AURKA: variants seen among roughly 807,000 people sequenced by gnomAD.
The protein encoded by AURKA is aurora kinase A.
AURKA carries 12 observed loss-of-function variants against 40.9 expected under a neutral mutation model. That is an observed-to-expected ratio of 0.29 (90% CI 0.19 to 0.48). AURKA has a LOEUF of 0.48. Ranked by LOEUF, AURKA falls within the 20% of genes least tolerant of loss-of-function variation. AURKA has a pLI of 0.99. For synonymous variants in AURKA, 170 were observed against 164.3 expected (o/e 1.03, Z -0.26); for missense variants, 322 against 462.1 (o/e 0.70, Z 2.78).
intron 1 of AURKA, among the ~76,000 whole-genome samples, chr20:56,389,822 G>A (rs1056979652): frequency 2.0e-5 from 3 of 152,076 alleles, no homozygotes; most frequent in Non-Finnish European, 2.9e-5. Flanking sequence ...GTTCTCTCTC[G>A]CAAACCCTTC....
At chr20:56,389,153 C>T (rs2146215844) in intron 1 of AURKA, among the ~76,000 whole-genome samples, 1 of 152,312 alleles carries the variant, frequency 6.6e-6, no homozygotes, top group East Asian at 1.9e-4. Context: ...TCCCTCCTTG[C>T]TGGGTCAGTC....
rs752948413 is a variant in AURKA at position 56,383,141 on chromosome 20, C to T, written c.410G>A (p.Arg137His). ...ACCAAACTTTCCTTTACCCAGAGGG[C>T]GACCAATTTCAAAGTCTTCCAAAGC... ...QWALEDFEIG[R>H]PLGKGKFGNV... Residue 137 changes from arginine to histidine, a missense_variant, in exon 5 of 9, where the codon CGC (arginine) becomes CAC (histidine). Physicochemically the swap from Arg to His is conservative, Grantham distance 29. Transcript: ENST00000395915. 1.5e-5 allele frequency: 24 copies of T among 1,614,102 alleles called. No individual in the cohort carries two copies. Among genetic ancestry groups the T allele is most frequent in the African/African-American group, 6.7e-5 (5 of 74,934 alleles).
At chr20:56,372,245 T>C (rs1984346846) in intron 7 of AURKA, among the ~76,000 whole-genome samples, 1 of 152,126 alleles carries the variant, frequency 6.6e-6, no homozygotes, top group Admixed American at 6.5e-5. Flanking sequence ...GACGTAGGAT[T>C]AAGAAGCTAC....
Position 56,381,616 on chromosome 20 carries a change from A to G in AURKA, c.567-45T>C, listed in dbSNP as rs751720380. The G allele has an allele frequency of 1.4e-5, 23 of 1,608,964 alleles. No individual in the cohort carries two copies. The East Asian group carries it at 4.9e-4, about 34-fold the overall frequency. ...TTCTAACACTTGGTTTGGAGCTCACAGAAGACTATGTACAAAATGTCAAAC... is the reference window on the plus strand; with the variant it reads ...TTCTAACACTTGGTTTGGAGCTCACGGAAGACTATGTACAAAATGTCAAAC... On this transcript the variant is annotated intron_variant, in intron 5 of 8. Coordinates refer to ENST00000395915, the MANE Select transcript of AURKA (RefSeq NM_198437.3).
At chr20:56,382,027 G>A (rs1279423487) in intron 5 of AURKA, among the ~76,000 whole-genome samples, 1 of 152,098 alleles carries the variant, frequency 6.6e-6, no homozygotes, top group Admixed American at 6.6e-5. Flanking sequence ...AGCTAGGCTT[G>A]TTGGTGCATG....
At chr20:56,389,586 A>T (rs919995551) in intron 1 of AURKA, among the ~76,000 whole-genome samples, 1 of 151,780 alleles carries the variant, frequency 6.6e-6, no homozygotes, top group Admixed American at 6.6e-5. Context: ...TTCAGCCCAG[A>T]CCTCTCCCCT....
chr20:56,386,149 C>A (rs1396717915), intron 3 of AURKA, 108 bp downstream of exon 3: 5 of 1,479,014 alleles, frequency 3.4e-6, no homozygotes, highest in Admixed American at 3.4e-5. Flanking sequence ...CCATCCTCAA[C>A]AGATATAAAA....
intron 4 of AURKA, 142 bp downstream of exon 4, chr20:56,384,128 G>A: frequency 3.3e-6 from 2 of 608,950 alleles, no homozygotes; most frequent in Non-Finnish European, 5.6e-6. Flanking sequence ...TTTTTTTTAA[G>A]ATTGGAAATC....
chr20:56,388,891 G>T (rs1185734792), intron 1 of AURKA: 1 of 152,622 alleles, frequency 6.6e-6, no homozygotes, highest in Non-Finnish European at 1.5e-5. Flanking sequence ...CAACAGCAAA[G>T]CTCCAGAAGA....
At chr20:56,370,928 C>T (rs1281600785) in intron 7 of AURKA, among the ~76,000 whole-genome samples, 1 of 152,200 alleles carries the variant, frequency 6.6e-6, no homozygotes. Flanking sequence ...GAATGTATCA[C>T]TACCATATAA....
chr20:56,373,094 CAT>C lies in AURKA; in HGVS notation c.854+312_854+313del, dbSNP rs1984483909. On this transcript the variant is annotated intron_variant, in intron 7 of 8. Transcript: ENST00000395915. This position sits in a 1 kb window ranked among gnomAD's most constrained non-coding sequence, Gnocchi z 5.0. ...GAGGTGAAGAGTTCCTCCCACTCAA[CAT>C]GTGGGCACTTCACCTCTGTCATATA... Among the ~76,000 whole-genome samples the C allele has an allele frequency of 6.6e-6, 1 of 152,242 alleles. No individual in the cohort carries two copies. The highest frequency in any genetic ancestry group is 2.1e-4 in the South Asian group (1 of 4,830).
intron 6 of AURKA, among the ~76,000 whole-genome samples, chr20:56,378,247 A>G (rs1273176394): frequency 6.6e-6 from 1 of 152,128 alleles, no homozygotes; most frequent in African/African-American, 2.4e-5. Context: ...CCGATACCAC[A>G]TTACCGTTGT....
chr20:56,370,114 T>C lies in AURKA; in HGVS notation c.*44A>G. On this transcript the variant is annotated 3_prime_UTR_variant, in exon 9 of 9. Coordinates refer to ENST00000395915, the MANE Select transcript of AURKA (RefSeq NM_198437.3). ...CTTCAGTAGCATGTTCCTGTCAGGT[T>C]ATATGGCAGCCCTGGCTCAAGGATT... 1 of 1,606,972 alleles carries C rather than the reference T, an allele frequency of 6.2e-7. No individual in the cohort carries two copies. Among genetic ancestry groups the C allele is most frequent in the Non-Finnish European group, 8.5e-7 (1 of 1,175,220 alleles).
chr20:56,377,765 G>A (rs1985123628), intron 6 of AURKA, among the ~76,000 whole-genome samples: 1 of 151,818 alleles, frequency 6.6e-6, no homozygotes, highest in African/African-American at 2.4e-5. Context: ...CTAGCCTGGT[G>A]ACAGAGCGAG....
intron 7 of AURKA, 22 bp from the exon 8 acceptor site, chr20:56,370,681 G>A: frequency 6.2e-7 from 1 of 1,613,886 alleles, no homozygotes; most frequent in Non-Finnish European, 8.5e-7. Context: ...GGGAGGCTCA[G>A]GTTGATGTGC....
chr20:56,377,812 A>C (rs1985133633), intron 6 of AURKA, among the ~76,000 whole-genome samples: 1 of 152,154 alleles, frequency 6.6e-6, no homozygotes. Context: ...GTTCAACATC[A>C]AATGTCATTA....
intron 2 of AURKA, among the ~76,000 whole-genome samples, chr20:56,387,211 T>A (rs1361965189): frequency 6.6e-6 from 1 of 152,186 alleles, no homozygotes; most frequent in Non-Finnish European, 1.5e-5. Context: ...TGGAGTGCAG[T>A]GGCATGATCT....
chr20:56,382,835 A>G, intron 5 of AURKA, 150 bp downstream of exon 5: 1 of 749,582 alleles, frequency 1.3e-6, no homozygotes. Context: ...TTCATAGGGG[A>G]GGGGGAGGTG....
rs1316837299 is a variant in AURKA at position 56,373,707 on chromosome 20, T to C, written c.706-151A>G. The C allele has an allele frequency of 2.3e-6, 2 of 877,580 alleles. No homozygotes were observed. The highest frequency in any genetic ancestry group is 1.7e-5 in the African/African-American group (1 of 59,692). The allele number at this position is 877,580 out of a possible 1,614,324, so 54.4% of individuals were successfully genotyped here. A position where few individuals can be genotyped will look rare whatever the true frequency, so the allele number is the denominator to read the frequency against. ...GGCTCACACCTATAATCCCAACACT[T>C]TGGGGGACTGAGGTGGGAGGATCAC... On this transcript the variant is annotated intron_variant, in intron 6 of 8. Transcript: ENST00000395915. The surrounding 1 kb of genome is among the most constrained non-coding windows in gnomAD (Gnocchi z 5.0).
Sources: gnomAD v4.1 joint callset for allele counts (sites outside exome capture counted in the v4.1 genomes callset) on GRCh38, gnomAD v4.1.1 for gene constraint, Gnocchi (gnomAD v3.1) non-coding constraint, MANE v1.5 for transcripts, NCBI Gene and HGNC (gene_info 2026-07-23, HGNC 2026-07-21) for gene names.